The following EXT2 variants were observed in gnomAD, a reference collection of about 807,000 sequenced individuals.
EXT2 encodes the protein exostosin-2.
In EXT2, 53 loss-of-function variants were observed where a neutral mutation model predicts 81.6. The ratio of observed to expected loss-of-function variants is 0.65; its 90% CI spans 0.52 to 0.82. EXT2 has a LOEUF of 0.82. Ranked by LOEUF, EXT2 falls within the 40% of genes least tolerant of loss-of-function variation. EXT2 has a pLI of 0.00. For synonymous variants in EXT2, 320 were observed against 340.0 expected, an observed-to-expected ratio of 0.94 and a Z score of 0.65; for missense variants, 774 against 910.2, an observed-to-expected ratio of 0.85 and a Z score of 1.93.
intron 7 of EXT2, among the ~76,000 whole-genome samples, chr11:44,149,388 A>G (rs1032955058): frequency 6.6e-6 from 1 of 151,858 alleles, no homozygotes; most frequent in African/African-American, 2.4e-5. Flanking sequence ...TGGAATCCCC[A>G]TTTTTCATTT....
At chr11:44,154,097 T>C (rs965828238) in intron 7 of EXT2, among the ~76,000 whole-genome samples, 2 of 152,040 alleles carry the variant, frequency 1.3e-5, no homozygotes, top group African/African-American at 4.8e-5. Context: ...TTAGGGAAAA[T>C]TGGGTATCTA....
intron 10 of EXT2, among the ~76,000 whole-genome samples, chr11:44,228,712 TTAG>T (rs1315734423): frequency 6.6e-6 from 1 of 152,182 alleles, no homozygotes; most frequent in Non-Finnish European, 1.5e-5. Flanking sequence ...CTGATGCCTT[TTAG>T]AGCAGCATAG....
At chr11:44,107,464 TCA>T (rs1275285689) in intron 1 of EXT2, among the ~76,000 whole-genome samples, 1 of 151,978 alleles carries the variant, frequency 6.6e-6, no homozygotes, top group Admixed American at 6.6e-5. Flanking sequence ...GGCGTGGTGG[TCA>T]CAGTTACTTG....
At chr11:44,127,088 G>A in intron 6 of EXT2, 133 bp downstream of exon 6, 1 of 1,233,600 alleles carries the variant, frequency 8.1e-7, no homozygotes, top group Non-Finnish European at 1.2e-6. Context: ...TTTCCATTAG[G>A]AGAGTTAGTA....
chr11:44,243,952 G>T (rs1306338943), intron 13 of EXT2, among the ~76,000 whole-genome samples, 197 bp from the exon 14 acceptor site: 1 of 152,122 alleles, frequency 6.6e-6, no homozygotes, highest in Non-Finnish European at 1.5e-5. Flanking sequence ...CCAGTTCACC[G>T]CTTTTTTCCA....
At chr11:44,116,872 A>G (rs1220753321) in intron 4 of EXT2, 1 of 152,104 alleles carries the variant, frequency 6.6e-6, no homozygotes, top group African/African-American at 2.4e-5. Flanking sequence ...TTTATCGTAG[A>G]GCTATAAGAA....
In EXT2 at chr11:44,174,575, AAATT is replaced by A. The variant is rs1027730291; in HGVS notation, c.1305+2838_1305+2841del. 3.8e-3 allele frequency among the ~76,000 whole-genome samples: 583 copies of A among 152,256 alleles called. 5 individuals carry two copies. The highest frequency in any genetic ancestry group is 0.013 in the African/African-American group (561 of 41,574). ...TGTACAGACACATTTTGACTTTTGT[AAATT>A]AATTTTGCAACTATTCTGTTACTGA... On this transcript the variant is annotated intron_variant, in intron 8 of 13. Coordinates refer to ENST00000533608, the MANE Select transcript of EXT2 (RefSeq NM_207122.2).
rs1297927572 is a variant in EXT2 at position 44,251,289 on chromosome 11, T to G, written c.*7002T>G. Among the ~76,000 whole-genome samples, 1 of 152,204 alleles carries G rather than the reference T, an allele frequency of 6.6e-6. No homozygotes were observed. The highest frequency in any genetic ancestry group is 1.5e-5 in the Non-Finnish European group (1 of 68,038). The stretch of plus-strand genomic sequence containing the variant: ...TCCATTAATAAGAGATTGATGCTCT[T>G]TCAACTCTCATGTCATCTATACCAT... On this transcript the variant is annotated 3_prime_UTR_variant, in exon 14 of 14. Coordinates refer to ENST00000533608, the MANE Select transcript of EXT2 (RefSeq NM_207122.2).
chr11:44,222,473 A>G (rs1050556825), intron 10 of EXT2, among the ~76,000 whole-genome samples: 2 of 152,222 alleles, frequency 1.3e-5, no homozygotes, highest in African/African-American at 4.8e-5. Context: ...TGTCAGTAGA[A>G]TTGTAAGGGG....
intron 7 of EXT2, among the ~76,000 whole-genome samples, chr11:44,149,599 T>C (rs4755783): frequency 0.021 from 3,254 of 152,338 alleles, 48 homozygotes; most frequent in Middle Eastern, 0.048. Context: ...ACTATTTTGA[T>C]ATCAGAAAGT....
Position 44,244,971 on chromosome 11 carries a change from A to G in EXT2, c.*684A>G, listed in dbSNP as rs1437852865. 2.2e-5 allele frequency: 5 copies of G among 232,432 alleles called. No homozygotes were observed. The highest frequency in any genetic ancestry group is 4.2e-5 in the Non-Finnish European group (5 of 117,690). The allele number at this position is 232,432 out of a possible 1,614,324, so 14.4% of individuals were successfully genotyped here. On this transcript the variant is annotated 3_prime_UTR_variant, in exon 14 of 14. Coordinates refer to ENST00000533608, the MANE Select transcript of EXT2 (RefSeq NM_207122.2). ...AACACCAATTCCTGATAGTCCAAGG[A>G]ACCACCTTTCTCCCTTGATATATTT...
chr11:44,207,061 A>T, intron 10 of EXT2, 102 bp downstream of exon 10: 2 of 1,372,644 alleles, frequency 1.5e-6, no homozygotes, highest in Non-Finnish European at 1.0e-6. Flanking sequence ...TAAAAGTCAG[A>T]GTTTCTAAAA....
intron 7 of EXT2, among the ~76,000 whole-genome samples, chr11:44,166,971 C>T (rs904631483): frequency 6.6e-6 from 1 of 152,196 alleles, no homozygotes; most frequent in Non-Finnish European, 1.5e-5. Context: ...AAAACAACTG[C>T]TTACAGGCAT....
At chr11:44,119,147 T>TATATATATATATAC (rs1954272433) in intron 4 of EXT2, among the ~76,000 whole-genome samples, 1 of 49,404 alleles carries the variant, frequency 2.0e-5, no homozygotes, top group Non-Finnish European at 4.5e-5. Flanking sequence ...TATATATATA[T>TATATATATATATAC]ATATATATAT....
chr11:44,161,269 T>G (rs932205811), intron 7 of EXT2, among the ~76,000 whole-genome samples: 7 of 152,200 alleles, frequency 4.6e-5, no homozygotes, highest in African/African-American at 1.4e-4. Context: ...CATTTAAATA[T>G]TTTTCTCCAG....
At chr11:44,222,070 G>T (rs77515220) in intron 10 of EXT2, among the ~76,000 whole-genome samples, 4 of 152,206 alleles carry the variant, frequency 2.6e-5, no homozygotes, top group African/African-American at 9.6e-5. Context: ...TTGGTTCCTA[G>T]GGTTCACATT....
chr11:44,112,018 A>T (rs868518045), intron 3 of EXT2, among the ~76,000 whole-genome samples: 2 of 152,250 alleles, frequency 1.3e-5, no homozygotes, highest in Non-Finnish European at 2.9e-5. Flanking sequence ...ACAAATAAGG[A>T]TGACCGATAG....
At chr11:44,164,934 AG>A (rs1223943175) in intron 7 of EXT2, among the ~76,000 whole-genome samples, 3 of 144,046 alleles carry the variant, frequency 2.1e-5, no homozygotes, top group African/African-American at 7.9e-5. Context: ...GCTGGAGTGC[AG>A]TGGCGGGATC....
chr11:44,105,932 A>C (rs572500967), intron 1 of EXT2, among the ~76,000 whole-genome samples: 29 of 152,318 alleles, frequency 1.9e-4, no homozygotes, highest in African/African-American at 6.7e-4. Flanking sequence ...TGTGGAATCT[A>C]TGCAGAGCTT....
Sources: gnomAD v4.1 joint callset for allele counts (sites outside exome capture counted in the v4.1 genomes callset) on GRCh38, gnomAD v4.1.1 for gene constraint, MANE v1.5 for transcripts, NCBI Gene and HGNC (gene_info 2026-07-23, HGNC 2026-07-21) for gene names.